CGAS: variants seen among roughly 807,000 people sequenced by gnomAD.
The protein encoded by CGAS is 2'3'-cGAMP synthase.
Under a neutral mutation model 34.0 loss-of-function variants are expected in CGAS, and 31 were observed. The observed-to-expected ratio is 0.91, with a 90% CI of 0.69 to 1.23. The LOEUF is 1.23. Among genes scored for constraint, CGAS ranks in the 50% most tolerant of loss-of-function variants. The pLI is 0.00. For missense variants in CGAS, 597 were observed against 657.6 expected (o/e 0.91, Z 1.01); for synonymous variants, 266 against 260.0 (o/e 1.02, Z -0.22).
chr6:73,432,266 A>T (rs1421650471), intron 3 of CGAS, among the ~76,000 whole-genome samples: 2 of 152,020 alleles, frequency 1.3e-5, no homozygotes, highest in African/African-American at 4.8e-5. Flanking sequence ...GGTTCAAGTG[A>T]TTCTCCTGCC....
rs1770039243 is a variant in CGAS, at chr6:73,424,000, C to G, written c.*1227G>C. 1 of 152,118 alleles carries G rather than the reference C, an allele frequency of 6.6e-6. No individual in the cohort carries two copies. The highest frequency in any genetic ancestry group is 2.1e-4 in the South Asian group (1 of 4,832). The allele number at this position is 152,118 out of a possible 1,614,324, so 9.4% of individuals were successfully genotyped here. Reference sequence around the variant, plus strand: ...ATATGAACAGGAAATATTTAACAAACAGCAGTTGCCTCTAGGCTGAATGCT... The same window carrying G: ...ATATGAACAGGAAATATTTAACAAAGAGCAGTTGCCTCTAGGCTGAATGCT... On this transcript the variant is annotated 3_prime_UTR_variant, in exon 5 of 5. Transcript: ENST00000370315.
chr6:73,428,689 T>A lies in CGAS; in HGVS notation c.1217+20A>T, dbSNP rs376289813. The A allele has an allele frequency of 3.4e-5, 54 of 1,598,714 alleles. No homozygotes were observed. The highest frequency in any genetic ancestry group is 4.6e-5 in the Non-Finnish European group (54 of 1,170,678). On this transcript the variant is annotated intron_variant, in intron 4 of 4. Transcript: ENST00000370315. ...AGCATACCATAGATAATCTGTCATT[T>A]AACAAAATAAGGCTGTTACCTGCAA...
chr6:73,436,108 G>T lies in CGAS; in HGVS notation c.1114+4101C>A, dbSNP rs1326284145. ...ACGGGAGGATCACTTGAACCCAGGA[G>T]TTCAGCTCCAAGAAGAACAACCCTA... is the stretch of plus-strand genomic sequence containing the variant. On this transcript the variant is annotated intron_variant, in intron 3 of 4. Transcript: ENST00000370315. 2.0e-5 allele frequency among the ~76,000 whole-genome samples: 3 copies of T among 151,824 alleles called. No individual in the cohort carries two copies. The East Asian group carries it at 5.8e-4, about 29-fold the overall frequency.
At chr6:73,450,816 G>T (rs1334626545) in intron 1 of CGAS, among the ~76,000 whole-genome samples, 4 of 151,720 alleles carry the variant, frequency 2.6e-5, no homozygotes, top group Non-Finnish European at 5.9e-5. Context: ...GTGAAACACC[G>T]TCTCTACTAA....
intron 2 of CGAS, among the ~76,000 whole-genome samples, chr6:73,442,821 A>T (rs534342236): frequency 2.0e-5 from 3 of 150,394 alleles, no homozygotes; most frequent in East Asian, 3.9e-4. Context: ...CTGGTCTTGA[A>T]CTCCTGACCT....
chr6:73,433,927 A>G (rs908968139), intron 3 of CGAS, among the ~76,000 whole-genome samples: 3 of 152,234 alleles, frequency 2.0e-5, no homozygotes, highest in Non-Finnish European at 4.4e-5. Context: ...ATTCAACATT[A>G]TCTCAATCAA....
intron 3 of CGAS, among the ~76,000 whole-genome samples, chr6:73,438,910 C>T (rs1250288924): frequency 6.6e-6 from 1 of 152,100 alleles, no homozygotes; most frequent in African/African-American, 2.4e-5. Flanking sequence ...GCAGAACAAC[C>T]TCTTTGCAGA....
At chr6:73,447,341 T>C (rs1411090609) in intron 1 of CGAS, among the ~76,000 whole-genome samples, 2 of 152,062 alleles carry the variant, frequency 1.3e-5, no homozygotes, top group African/African-American at 2.4e-5. Context: ...TGGAGTGCAA[T>C]GGAGCAAGCT....
chr6:73,442,578 GTTT>G (rs1303173259), intron 2 of CGAS, among the ~76,000 whole-genome samples: 1 of 141,270 alleles, frequency 7.1e-6, no homozygotes, highest in African/African-American at 2.6e-5. Flanking sequence ...TTAAAAAAAT[GTTT>G]TTTTCTTTTT....
chr6:73,424,417 G>A lies in CGAS; in HGVS notation c.*810C>T, dbSNP rs960456835. The A allele has an allele frequency of 2.0e-5, 3 of 148,968 alleles. No homozygotes were observed. Among genetic ancestry groups the A allele is most frequent in the Non-Finnish European group, 3.0e-5 (2 of 67,738 alleles). The allele number at this position is 148,968 out of a possible 1,614,324, so 9.2% of individuals were successfully genotyped here. On this transcript the variant is annotated 3_prime_UTR_variant, in exon 5 of 5. Transcript: ENST00000370315. ...CCACTGGACTCCAGCCTGGGCGACAGAGCGAGACTCCATCTAAAAAAAAAA... is the reference window on the plus strand; with the variant it reads ...CCACTGGACTCCAGCCTGGGCGACAAAGCGAGACTCCATCTAAAAAAAAAA...
intron 3 of CGAS, among the ~76,000 whole-genome samples, chr6:73,434,589 C>T (rs910759135): frequency 2.0e-5 from 3 of 152,052 alleles, no homozygotes; most frequent in East Asian, 3.9e-4. Flanking sequence ...ATATGGTATC[C>T]TAAATGGGAT....
chr6:73,446,722 G>A (rs1170329465), intron 1 of CGAS, among the ~76,000 whole-genome samples: 14 of 3,242 alleles, frequency 4.3e-3, no homozygotes, highest in African/African-American at 0.014. Flanking sequence ...GCGACAGAGC[G>A]AGACTCCGTC....
chr6:73,449,550 CTCTAAT>C (rs941151152), intron 1 of CGAS, among the ~76,000 whole-genome samples: 17 of 151,742 alleles, frequency 1.1e-4, no homozygotes, highest in Admixed American at 6.6e-5. Flanking sequence ...ATGTCTTGTT[CTCTAAT>C]TCTAACTAGT....
Position 73,425,198 on chromosome 6 carries a change from A to T in CGAS, c.*29T>A. ...ATTCTCCAGGATTTAGGGTGACTCT[A>T]GTTCTTAGATCTTTCTAAAAATACA... is the stretch of plus-strand genomic sequence containing the variant. On this transcript the variant is annotated 3_prime_UTR_variant, in exon 5 of 5. Coordinates refer to ENST00000370315, the MANE Select transcript of CGAS (RefSeq NM_138441.3). 6.8e-7 allele frequency: 1 copy of T among 1,464,036 alleles called. No homozygotes were observed. Among genetic ancestry groups the T allele is most frequent in the Non-Finnish European group, 9.2e-7 (1 of 1,085,770 alleles). The allele number at this position is 1,464,036 out of a possible 1,614,324, so 90.7% of individuals were successfully genotyped here.
rs534306484 is a variant in CGAS, at chr6:73,444,052, C to T, written c.877+1476G>A. Among the ~76,000 whole-genome samples the T allele has an allele frequency of 1.6e-3, 242 of 152,264 alleles. 3 individuals carry two copies. The highest frequency in any genetic ancestry group is 5.6e-3 in the African/African-American group (233 of 41,566). ...TCGCCCAGGCTGGAGTGCAGTGGCA[C>T]GATCTCGGCTCACTGCAACCTCCAC... On this transcript the variant is annotated intron_variant, in intron 2 of 4. Coordinates refer to ENST00000370315, the MANE Select transcript of CGAS (RefSeq NM_138441.3).
chr6:73,425,358 G>GT lies in CGAS; in HGVS notation c.1437dup (p.Leu480ThrfsTer2). 6.2e-7 allele frequency: 1 copy of GT among 1,611,892 alleles called. No homozygotes were observed. The highest frequency in any genetic ancestry group is 8.5e-7 in the Non-Finnish European group (1 of 1,179,616). ...AATTCAGGAATAAAATAATTCTCAA[G>GT]TTTTTCTGTCCTGAGGCACTGAAGA... On this transcript the variant is annotated frameshift_variant, in exon 5 of 5. Coordinates refer to ENST00000370315, the MANE Select transcript of CGAS (RefSeq NM_138441.3). LOFTEE classifies it high-confidence loss of function.
chr6:73,441,308 C>T (rs1002532085), intron 2 of CGAS, among the ~76,000 whole-genome samples: 5 of 151,934 alleles, frequency 3.3e-5, no homozygotes, highest in Non-Finnish European at 7.4e-5. Flanking sequence ...AGAGGAGAGG[C>T]CAGATGGGCA....
chr6:73,445,191 C>T (rs1328251240), intron 2 of CGAS, among the ~76,000 whole-genome samples: 1 of 151,056 alleles, frequency 6.6e-6, no homozygotes, highest in Non-Finnish European at 1.5e-5. Flanking sequence ...AGTGTAGATT[C>T]ATTTATCCAT....
chr6:73,426,299 A>C (rs961228377), intron 4 of CGAS, among the ~76,000 whole-genome samples: 2 of 150,434 alleles, frequency 1.3e-5, no homozygotes, highest in African/African-American at 4.9e-5. Context: ...AATAAAATAA[A>C]ATAAAATAAA....
Sources: allele counts gnomAD v4.1 joint callset (sites outside exome capture counted in the v4.1 genomes callset), GRCh38; gene constraint gnomAD v4.1.1; transcripts MANE v1.5; gene names NCBI Gene and HGNC (gene_info 2026-07-23, HGNC 2026-07-21).